C8orf34: variants seen among roughly 807,000 people sequenced by gnomAD.
The protein encoded by C8orf34 is uncharacterized protein C8orf34.
In C8orf34, 65 loss-of-function variants were observed where a neutral mutation model predicts 68.3. The observed-to-expected ratio is 0.95, with a 90% CI of 0.78 to 1.17. The LOEUF is 1.17. Ranked by LOEUF, C8orf34 falls within the 50% of genes most tolerant of loss-of-function variation. The pLI is 0.00. For missense variants in C8orf34, 664 were observed against 655.4 expected, an observed-to-expected ratio of 1.01 and a Z score of -0.14; for synonymous variants, 244 against 241.2, an observed-to-expected ratio of 1.01 and a Z score of -0.11.
chr8:68,690,231 A>G (rs17388090), intron 8 of C8orf34, among the ~76,000 whole-genome samples: 5,161 of 152,038 alleles, frequency 0.034, 119 homozygotes, highest in Middle Eastern at 0.11. Context: ...TAGCGTTCAG[A>G]TAATACAATG....
At chr8:68,520,911 T>A (rs180828964) in intron 5 of C8orf34, among the ~76,000 whole-genome samples, 1 of 152,204 alleles carries the variant, frequency 6.6e-6, no homozygotes, top group African/African-American at 2.4e-5. Flanking sequence ...CAAATAGAAA[T>A]GATGTTGCAA....
intron 9 of C8orf34, among the ~76,000 whole-genome samples, chr8:68,712,038 C>G (rs1260849486): frequency 6.6e-6 from 1 of 152,072 alleles, no homozygotes; most frequent in Non-Finnish European, 1.5e-5. Flanking sequence ...TTTTTAGCCT[C>G]CTTAAACAAA....
At chr8:68,523,958 A>T (rs1212336695) in intron 6 of C8orf34, among the ~76,000 whole-genome samples, 2 of 152,128 alleles carry the variant, frequency 1.3e-5, no homozygotes, top group African/African-American at 4.8e-5. Context: ...GGGCTGGCAC[A>T]TTTTTGTTGT....
At chr8:68,351,880 A>G (rs142353618) in intron 1 of C8orf34, among the ~76,000 whole-genome samples, 77 of 152,146 alleles carry the variant, frequency 5.1e-4, no homozygotes, top group African/African-American at 1.7e-3. Context: ...AGTGTTCTGT[A>G]TTTTGACCAT....
intron 3 of C8orf34, among the ~76,000 whole-genome samples, chr8:68,462,160 A>C (rs1251389629): frequency 2.0e-5 from 3 of 152,070 alleles, no homozygotes; most frequent in Non-Finnish European, 4.4e-5. Context: ...GATAAAACAG[A>C]CTTTAAACCA....
At chr8:68,510,306 G>A (rs2129633259) in intron 5 of C8orf34, among the ~76,000 whole-genome samples, 1 of 152,304 alleles carries the variant, frequency 6.6e-6, no homozygotes, top group African/African-American at 2.4e-5. Context: ...GGATTTGGGT[G>A]GATGGTGCTT....
intron 7 of C8orf34, among the ~76,000 whole-genome samples, chr8:68,573,052 C>T (rs891936746): frequency 1.3e-5 from 2 of 152,102 alleles, no homozygotes; most frequent in Non-Finnish European, 2.9e-5. Context: ...CTCCACAGTG[C>T]CCTGGTTTTT....
At chr8:68,349,866 G>C (rs961454011) in intron 1 of C8orf34, among the ~76,000 whole-genome samples, 17 of 150,772 alleles carry the variant, frequency 1.1e-4, no homozygotes, top group Non-Finnish European at 1.9e-4. Flanking sequence ...TTCTTCATTA[G>C]TCTAGCTAGT....
intron 7 of C8orf34, among the ~76,000 whole-genome samples, chr8:68,548,423 T>C (rs1815957380): frequency 6.6e-6 from 1 of 151,764 alleles, no homozygotes. Flanking sequence ...AAATAAGCAC[T>C]TGAAGAATGT....
intron 10 of C8orf34, among the ~76,000 whole-genome samples, chr8:68,774,279 A>G (rs960176458): frequency 3.3e-5 from 5 of 149,528 alleles, no homozygotes; most frequent in Admixed American, 1.3e-4. Context: ...ATAGTGTGGG[A>G]AGTTCACCTC....
At chr8:68,399,301 AC>A (rs1328204830) in intron 1 of C8orf34, among the ~76,000 whole-genome samples, 1 of 151,072 alleles carries the variant, frequency 6.6e-6, no homozygotes, top group African/African-American at 2.4e-5. Flanking sequence ...CTCATCATCA[AC>A]CCCCCGTTCT....
At chr8:68,540,684 G>A (rs58236781) in intron 7 of C8orf34, among the ~76,000 whole-genome samples, 38,892 of 151,458 alleles carry the variant, frequency 0.26, 7,987 homozygotes, top group African/African-American at 0.57. Flanking sequence ...CACCATAAAC[G>A]CAAAAAAATT....
chr8:68,612,139 T>A (rs1818041153), intron 7 of C8orf34, among the ~76,000 whole-genome samples: 2 of 151,698 alleles, frequency 1.3e-5, no homozygotes, highest in Admixed American at 1.3e-4. Flanking sequence ...TCATCTCGTA[T>A]CATTATCTGC....
intron 7 of C8orf34, chr8:68,534,037 G>C: frequency 7.1e-6 from 7 of 980,728 alleles, no homozygotes; most frequent in Non-Finnish European, 8.5e-6. Flanking sequence ...GAAAAATATA[G>C]GCCATTTTCT....
intron 6 of C8orf34, among the ~76,000 whole-genome samples, chr8:68,528,878 A>T (rs1426593033): frequency 6.6e-6 from 1 of 151,946 alleles, no homozygotes; most frequent in African/African-American, 2.4e-5. Flanking sequence ...CCTCCAGCAG[A>T]CTCTCTGTGC....
chr8:68,634,920 A>G (rs1818791745), intron 7 of C8orf34, among the ~76,000 whole-genome samples: 2 of 152,204 alleles, frequency 1.3e-5, no homozygotes, highest in Non-Finnish European at 2.9e-5. Context: ...TTGTTGAAGC[A>G]GTTTCAGCTT....
chr8:68,634,198 C>T (rs945417010), intron 7 of C8orf34, among the ~76,000 whole-genome samples: 1 of 152,138 alleles, frequency 6.6e-6, no homozygotes, highest in African/African-American at 2.4e-5. Context: ...AAGAATGTTG[C>T]TTTTCTTGTG....
intron 10 of C8orf34, among the ~76,000 whole-genome samples, chr8:68,756,967 G>A (rs1270925056): frequency 6.6e-6 from 1 of 152,020 alleles, no homozygotes; most frequent in South Asian, 2.1e-4. Flanking sequence ...TACACATAGG[G>A]TGATTAGATG....
At chr8:68,492,074 T>C (rs1215920493) in intron 5 of C8orf34, among the ~76,000 whole-genome samples, 1 of 152,208 alleles carries the variant, frequency 6.6e-6, no homozygotes, top group Admixed American at 6.5e-5. Context: ...AACTCCTCAA[T>C]AAATCACTTT....
Sources: allele counts gnomAD v4.1 joint callset (sites outside exome capture counted in the v4.1 genomes callset), GRCh38; gene constraint gnomAD v4.1.1; transcripts MANE v1.5; gene names NCBI Gene and HGNC (gene_info 2026-07-23, HGNC 2026-07-21).